The following CBX5 variants were observed in gnomAD, a reference collection of about 807,000 sequenced individuals.
CBX5 encodes the protein chromobox 5.
Under a neutral mutation model 20.7 loss-of-function variants are expected in CBX5, and 7 were observed. That is an observed-to-expected ratio of 0.34 (90% confidence interval 0.19 to 0.63). CBX5 has a LOEUF of 0.63. Among genes scored for constraint, CBX5 ranks in the 30% least tolerant of loss-of-function variants. CBX5 has a pLI of 0.75. For missense variants in CBX5, 110 were observed against 224.1 expected (o/e 0.49, Z 3.25); for synonymous variants, 78 against 77.0 (o/e 1.01, Z -0.07).
rs1943605008 is a variant in CBX5 at position 54,235,020 on chromosome 12, A to G, written c.*6735T>C. On this transcript the variant is annotated 3_prime_UTR_variant, in exon 5 of 5. Coordinates refer to ENST00000209875, the MANE Select transcript of CBX5 (RefSeq NM_012117.3). ...TCCAAGAAAGTCAGCACAAGCAAAA[A>G]GAAACCAGAATTGTTTTTATGAAAC... 6.6e-6 allele frequency: 1 copy of G among 152,248 alleles called. No individual in the cohort carries two copies. Among genetic ancestry groups the G allele is most frequent in the South Asian group, 2.1e-4 (1 of 4,830 alleles). The allele number at this position is 152,248 out of a possible 1,614,324, so 9.4% of individuals were successfully genotyped here.
intron 3 of CBX5, among the ~76,000 whole-genome samples, chr12:54,251,279 C>T (rs1461126630): frequency 6.6e-6 from 1 of 151,242 alleles, no homozygotes; most frequent in Admixed American, 6.6e-5. Context: ...ACCAACATGG[C>T]GAAACCCCGT....
chr12:54,257,979 C>G (rs1943879003), intron 1 of CBX5: 2 of 218,914 alleles, frequency 9.1e-6, no homozygotes, highest in Admixed American at 1.1e-4. Context: ...GTATGTTATT[C>G]CTGGCTATGT....
chr12:54,258,612 G>A (rs1370444998), intron 1 of CBX5, among the ~76,000 whole-genome samples: 3 of 152,190 alleles, frequency 2.0e-5, no homozygotes, highest in Non-Finnish European at 4.4e-5. Flanking sequence ...TGGAAATTGA[G>A]TTAAGCTCAG....
At chr12:54,265,136 TCTC>T (rs1450045657) in intron 1 of CBX5, among the ~76,000 whole-genome samples, 1 of 152,134 alleles carries the variant, frequency 6.6e-6, no homozygotes, top group Non-Finnish European at 1.5e-5. Flanking sequence ...GATTCCCACT[TCTC>T]CTTAAGGCCC....
At chr12:54,261,313 T>C (rs1418519531) in intron 1 of CBX5, among the ~76,000 whole-genome samples, 1 of 151,886 alleles carries the variant, frequency 6.6e-6, no homozygotes, top group Admixed American at 6.6e-5. Flanking sequence ...CTTTTTTTTT[T>C]TTGAGACGGA....
At chr12:54,273,160 C>G (rs1328837090) in intron 1 of CBX5, 1 of 152,112 alleles carries the variant, frequency 6.6e-6, no homozygotes, top group African/African-American at 2.4e-5. Flanking sequence ...AAAGATGAAT[C>G]CGGCCGGGCG....
chr12:54,249,214 C>A (rs1270697115), intron 3 of CBX5, among the ~76,000 whole-genome samples: 1 of 151,884 alleles, frequency 6.6e-6, no homozygotes, highest in African/African-American at 2.4e-5. Context: ...ACTAAAAATA[C>A]AAAAAATTAG....
At chr12:54,263,197 C>T (rs1358118404) in intron 1 of CBX5, among the ~76,000 whole-genome samples, 1 of 151,874 alleles carries the variant, frequency 6.6e-6, no homozygotes. Context: ...CCTGTCTCTA[C>T]TAAAAATACA....
chr12:54,272,090 T>C (rs1303033770), intron 1 of CBX5: 1 of 152,210 alleles, frequency 6.6e-6, no homozygotes, highest in Non-Finnish European at 1.5e-5. Context: ...ACTTAAGATT[T>C]CCCAGCCTGT....
chr12:54,238,383 T>C lies in CBX5; in HGVS notation c.*3372A>G, dbSNP rs1943644193. On this transcript the variant is annotated 3_prime_UTR_variant, in exon 5 of 5. Coordinates refer to ENST00000209875, the MANE Select transcript of CBX5 (RefSeq NM_012117.3). ...AAGTAGAAGAGTCTCCTGAAAAATA[T>C]CCGTATTTGAAAAGGCAGCAGGAGT... is the stretch of plus-strand genomic sequence containing the variant. The C allele has an allele frequency of 1.3e-5, 2 of 151,986 alleles. No individual in the cohort carries two copies. The highest frequency in any genetic ancestry group is 2.9e-5 in the Non-Finnish European group (2 of 68,024). 9.4% of individuals were successfully genotyped at this position (151,986 alleles called of 1,614,324 possible).
At position 54,232,912 on chromosome 12, in the gene CBX5, T is replaced by C. The variant is rs1426503038; in HGVS notation, c.*8843A>G. ...TACTGAGTAACCTGAATTCCTAAAATCCAGAAAGCAAGATCACATTCCAAC... is the reference window on the plus strand; with the variant it reads ...TACTGAGTAACCTGAATTCCTAAAACCCAGAAAGCAAGATCACATTCCAAC... On this transcript the variant is annotated 3_prime_UTR_variant, in exon 5 of 5. Transcript: ENST00000209875. 1 of 152,168 alleles carries C rather than the reference T, an allele frequency of 6.6e-6. No homozygotes were observed. The highest frequency in any genetic ancestry group is 1.9e-4 in the East Asian group (1 of 5,196). The allele number at this position is 152,168 out of a possible 1,614,324, so 9.4% of individuals were successfully genotyped here.
chr12:54,279,759 A>C (rs1428949287), intron 1 of CBX5, among the ~76,000 whole-genome samples: 3 of 152,200 alleles, frequency 2.0e-5, no homozygotes, highest in African/African-American at 4.8e-5. Flanking sequence ...CCAAGGGCCG[A>C]TCAGTCGGCA....
In CBX5 at chr12:54,235,362, C is replaced by T. The variant is rs1943609129; in HGVS notation, c.*6393G>A. The T allele has an allele frequency of 6.6e-6, 1 of 152,222 alleles. No homozygotes were observed. The highest frequency in any genetic ancestry group is 2.1e-4 in the South Asian group (1 of 4,824). The allele number at this position is 152,222 out of a possible 1,614,324, so 9.4% of individuals were successfully genotyped here. A position where few individuals can be genotyped will look rare whatever the true frequency, so the allele number is the denominator to read the frequency against. On this transcript the variant is annotated 3_prime_UTR_variant, in exon 5 of 5. Coordinates refer to ENST00000209875, the MANE Select transcript of CBX5 (RefSeq NM_012117.3). ...CCCGGCGGTGGCTCACGCCTGTAAT[C>T]CCAGCACTCTGGGAGGCCGAGGTGG...
At chr12:54,273,822 A>G (rs541090911) in intron 1 of CBX5, 9 of 152,300 alleles carry the variant, frequency 5.9e-5, no homozygotes, top group African/African-American at 2.2e-4. Flanking sequence ...CTTGTTTTAA[A>G]CCACCAAGTC....
intron 2 of CBX5, among the ~76,000 whole-genome samples, chr12:54,253,887 G>T (rs1015805649): frequency 6.6e-6 from 1 of 150,816 alleles, no homozygotes; most frequent in Non-Finnish European, 1.5e-5. Context: ...CAGCCTCCCC[G>T]GTAACTAGGA....
At chr12:54,262,543 A>T (rs1943922459) in intron 1 of CBX5, 1 of 152,972 alleles carries the variant, frequency 6.5e-6, no homozygotes, top group South Asian at 2.1e-4. Flanking sequence ...CACAGATCAG[A>T]AGCTGGCAAG....
chr12:54,278,782 A>T (rs1944096024), intron 1 of CBX5: 2 of 152,256 alleles, frequency 1.3e-5, no homozygotes, highest in East Asian at 3.8e-4. Context: ...CCAGAACCCT[A>T]AATATTACCC....
chr12:54,247,840 ATTT>A (rs1175819369), intron 3 of CBX5, among the ~76,000 whole-genome samples: 6 of 137,788 alleles, frequency 4.4e-5, no homozygotes, highest in East Asian at 2.1e-4. Context: ...CCCCTGGCTA[ATTT>A]TTTTTTTTTT....
At chr12:54,274,098 A>G (rs1002227678) in intron 1 of CBX5, 1 of 152,260 alleles carries the variant, frequency 6.6e-6, no homozygotes, top group African/African-American at 2.4e-5. Context: ...TAACAAGAAC[A>G]GTGTAGGTTT....
Sources: allele counts gnomAD v4.1 joint callset (sites outside exome capture counted in the v4.1 genomes callset), GRCh38; gene constraint gnomAD v4.1.1; transcripts MANE v1.5; gene names NCBI Gene and HGNC (gene_info 2026-07-23, HGNC 2026-07-21).